Variants in OPRM1 observed in about 807,000 individuals in gnomAD.
OPRM1 encodes the protein mu-type opioid receptor.
A neutral mutation model predicts 31.8 loss-of-function variants in OPRM1; 27 were observed. The observed-to-expected ratio is 0.85, with a 90% CI of 0.63 to 1.17. The LOEUF is 1.17. Among genes scored for constraint, OPRM1 ranks in the 50% most tolerant of loss-of-function variants. OPRM1 has a pLI of 0.00. For synonymous variants in OPRM1, 196 were observed against 189.9 expected (o/e 1.03, Z -0.26); for missense variants, 536 against 511.1 (o/e 1.05, Z -0.47).
Position 154,076,582 on chromosome 6 carries a change from T to C in OPRM1, c.291-13244T>C, listed in dbSNP as rs1314861106. On this transcript the variant is annotated intron_variant, in intron 1 of 3. Transcript: ENST00000330432. ...CCTGTAATCCCAGCACTTTTGGAAC[T>C]GGTCATCAAGAACTCCAAAATCTCC... 2.6e-5 allele frequency among the ~76,000 whole-genome samples: 4 copies of C among 152,152 alleles called. No homozygotes were observed. In the South Asian group the frequency reaches 6.2e-4, roughly 24 times the overall value.
At chr6:154,223,910 A>C (rs1180639282) in intron 3 of OPRM1, among the ~76,000 whole-genome samples, 1 of 152,250 alleles carries the variant, frequency 6.6e-6, no homozygotes, top group Non-Finnish European at 1.5e-5. Context: ...TGCATAAGAA[A>C]ATTATATTTA....
intron 3 of OPRM1, among the ~76,000 whole-genome samples, chr6:154,175,300 G>A (rs998240810): frequency 2.0e-5 from 3 of 150,772 alleles, no homozygotes; most frequent in African/African-American, 7.3e-5. Context: ...AAAGCTAGCA[G>A]AAGGCAAGAA....
chr6:154,081,134 G>A (rs1789012626), intron 1 of OPRM1, among the ~76,000 whole-genome samples: 1 of 152,204 alleles, frequency 6.6e-6, no homozygotes, highest in Admixed American at 6.5e-5. Context: ...AGAAAATGTA[G>A]TCACCAAACT....
At chr6:154,041,115 T>G (rs1273519005) in intron 1 of OPRM1, among the ~76,000 whole-genome samples, 2 of 152,194 alleles carry the variant, frequency 1.3e-5, no homozygotes, top group African/African-American at 2.4e-5. Context: ...TCCAGTATGC[T>G]TTCATTACCC....
intron 3 of OPRM1, among the ~76,000 whole-genome samples, chr6:154,227,225 T>TA (rs991575187): frequency 3.3e-5 from 5 of 151,140 alleles, no homozygotes; most frequent in African/African-American, 1.2e-4. Flanking sequence ...ACAAAAAAAT[T>TA]AAAAAATAAA....
chr6:154,244,092 T>C (rs1347190374), intron 3 of OPRM1, among the ~76,000 whole-genome samples: 1 of 152,204 alleles, frequency 6.6e-6, no homozygotes, highest in Non-Finnish European at 1.5e-5. Context: ...TAGGCTTAGG[T>C]GCTTTGAGAG....
At chr6:154,137,820 G>A (rs911875826) in intron 3 of OPRM1, among the ~76,000 whole-genome samples, 17 of 152,162 alleles carry the variant, frequency 1.1e-4, no homozygotes, top group Non-Finnish European at 2.2e-4. Context: ...TAGGACAAGA[G>A]GGATGTTGGA....
chr6:154,196,567 T>G (rs1776639789), intron 3 of OPRM1, among the ~76,000 whole-genome samples: 1 of 152,214 alleles, frequency 6.6e-6, no homozygotes, highest in Non-Finnish European at 1.5e-5. Flanking sequence ...CTTCATTCAT[T>G]AAGTAGAAGT....
intron 3 of OPRM1, among the ~76,000 whole-genome samples, chr6:154,148,365 A>T (rs1403473097): frequency 6.6e-6 from 1 of 152,204 alleles, no homozygotes; most frequent in Non-Finnish European, 1.5e-5. Flanking sequence ...ATGATACCTT[A>T]TTGGGACTCT....
intron 3 of OPRM1, among the ~76,000 whole-genome samples, chr6:154,183,140 C>T (rs992217573): frequency 5.9e-5 from 9 of 152,030 alleles, no homozygotes; most frequent in South Asian, 2.1e-4. Context: ...CCACCACACC[C>T]GGCTAATTTT....
At chr6:154,083,063 C>A (rs181626652) in intron 1 of OPRM1, among the ~76,000 whole-genome samples, 6 of 151,986 alleles carry the variant, frequency 3.9e-5, no homozygotes, top group Admixed American at 3.9e-4. Flanking sequence ...TTTCAGAAAT[C>A]GAATAATGCA....
At position 154,127,486 on chromosome 6, in the gene OPRM1, C is replaced by T. The variant is rs889548843; in HGVS notation, c.*8765C>T. Among the ~76,000 whole-genome samples the T allele has an allele frequency of 2.0e-5, 3 of 151,946 alleles. No individual in the cohort carries two copies. The highest frequency in any genetic ancestry group is 2.9e-5 in the Non-Finnish European group (2 of 68,008). On this transcript the variant is annotated 3_prime_UTR_variant, in exon 4 of 4. Coordinates refer to ENST00000330432, the MANE Select transcript of OPRM1 (RefSeq NM_000914.5). ...TTGTGTTTAAGACGTTTTACTTGTC[C>T]CTGAAATGTTTGTCATCACACAGAT...
intron 3 of OPRM1, among the ~76,000 whole-genome samples, chr6:154,101,317 G>T (rs1413124520): frequency 6.6e-6 from 1 of 151,952 alleles, no homozygotes; most frequent in Non-Finnish European, 1.5e-5. Context: ...AATTCCTGAA[G>T]TATCATTAAA....
intron 3 of OPRM1, among the ~76,000 whole-genome samples, chr6:154,103,633 C>A (rs1795180792): frequency 6.6e-6 from 1 of 151,994 alleles, no homozygotes. Context: ...ATAGAGCAGC[C>A]CTGAGGGCTT....
chr6:154,119,286 A>G lies in OPRM1; in HGVS notation c.*565A>G. On this transcript the variant is annotated 3_prime_UTR_variant, in exon 4 of 4. Transcript: ENST00000330432. ...TCTTGGTTTTGTATTGTTTAAAAAA[A>G]TAACATCTCTTTCATCTAGCTCCAT... is the stretch of plus-strand genomic sequence containing the variant. The G allele has an allele frequency of 1.0e-6, 1 of 985,608 alleles. No individual in the cohort carries two copies. The highest frequency in any genetic ancestry group is 1.2e-6 in the Non-Finnish European group (1 of 829,928). 61.1% of individuals were successfully genotyped at this position (985,608 alleles called of 1,614,324 possible).
chr6:154,161,627 C>A (rs550013690), intron 3 of OPRM1, among the ~76,000 whole-genome samples: 54 of 152,282 alleles, frequency 3.5e-4, no homozygotes, highest in African/African-American at 1.3e-3. Context: ...TGTTCTCATG[C>A]CTTCCAATGA....
intron 3 of OPRM1, chr6:154,110,512 C>T: frequency 1.3e-6 from 1 of 770,844 alleles, no homozygotes; most frequent in Non-Finnish European, 2.2e-6. Flanking sequence ...AGTTTTTCAT[C>T]CCATGGCTTA....
chr6:154,134,975 C>T (rs570127966), downstream of OPRM1, among the ~76,000 whole-genome samples: 128 of 152,224 alleles, frequency 8.4e-4, no homozygotes, highest in Non-Finnish European at 1.7e-3. Context: ...TCATACCCAC[C>T]CATCATCTAT....
At chr6:154,159,787 G>T (rs765546416) in intron 3 of OPRM1, 4 of 1,472,132 alleles carry the variant, frequency 2.7e-6, no homozygotes, top group Non-Finnish European at 3.8e-6. Context: ...TTGAAGAGTT[G>T]CTTGTGATAA....
Sources: gnomAD v4.1 joint callset for allele counts (sites outside exome capture counted in the v4.1 genomes callset) on GRCh38, gnomAD v4.1.1 for gene constraint, MANE v1.5 for transcripts, NCBI Gene and HGNC (gene_info 2026-07-23, HGNC 2026-07-21) for gene names.